ADGRB3: variants seen among roughly 807,000 people sequenced by gnomAD.
ADGRB3 encodes adhesion G protein-coupled receptor B3, also known as brain-specific angiogenesis inhibitor 3.
Under a neutral mutation model 193.4 loss-of-function variants are expected in ADGRB3, and 37 were observed. The ratio of observed to expected loss-of-function variants is 0.19; its 90% CI spans 0.15 to 0.25. ADGRB3 has a LOEUF of 0.25. Among genes scored for constraint, ADGRB3 ranks in the 10% least tolerant of loss-of-function variants. The pLI, the probability that ADGRB3 is intolerant of heterozygous loss-of-function variation, is 1.00. For missense variants in ADGRB3, 1,637 were observed against 1,852.9 expected (o/e 0.88, Z 2.14); for synonymous variants, 690 against 644.2 (o/e 1.07, Z -1.08).
At chr6:69,110,276 G>T (rs1320641070) in intron 17 of ADGRB3, among the ~76,000 whole-genome samples, 2 of 152,066 alleles carry the variant, frequency 1.3e-5, no homozygotes, top group East Asian at 3.9e-4. Context: ...TTTTGAGGTT[G>T]TAGTTTTAAC....
chr6:69,211,856 T>C (rs900950209), intron 17 of ADGRB3, among the ~76,000 whole-genome samples: 1 of 152,228 alleles, frequency 6.6e-6, no homozygotes, highest in African/African-American at 2.4e-5. Flanking sequence ...GGATTACAAC[T>C]GTGTGCATTA....
chr6:68,671,276 G>A (rs1418615362), intron 3 of ADGRB3, among the ~76,000 whole-genome samples: 2 of 151,870 alleles, frequency 1.3e-5, no homozygotes, highest in African/African-American at 4.8e-5. Context: ...CTCTAGGTAG[G>A]ACTTCTAATA....
At chr6:68,869,823 G>C (rs770167399) in intron 3 of ADGRB3, among the ~76,000 whole-genome samples, 1 of 152,196 alleles carries the variant, frequency 6.6e-6, no homozygotes, top group Non-Finnish European at 1.5e-5. Context: ...CGGTCACCCA[G>C]GCTGGAGTGC....
chr6:69,330,228 C>T (rs1012329032), intron 22 of ADGRB3, among the ~76,000 whole-genome samples: 6 of 152,012 alleles, frequency 3.9e-5, no homozygotes, highest in African/African-American at 1.4e-4. Flanking sequence ...ATATAGAAAC[C>T]TCATTGCAAT....
At chr6:69,204,426 G>A (rs958923130) in intron 17 of ADGRB3, among the ~76,000 whole-genome samples, 2 of 152,054 alleles carry the variant, frequency 1.3e-5, no homozygotes, top group Non-Finnish European at 2.9e-5. Flanking sequence ...GTCTTCAGTT[G>A]TTTCTTGCTT....
intron 3 of ADGRB3, among the ~76,000 whole-genome samples, chr6:68,837,392 T>C (rs1768065879): frequency 6.6e-6 from 1 of 152,228 alleles, no homozygotes; most frequent in South Asian, 2.1e-4. Flanking sequence ...ATTTTTATGC[T>C]ATAAATTTAT....
chr6:69,101,852 C>A (rs1372334355), intron 17 of ADGRB3, among the ~76,000 whole-genome samples: 1 of 152,052 alleles, frequency 6.6e-6, no homozygotes, highest in Non-Finnish European at 1.5e-5. Context: ...GATTTGAACT[C>A]AAACAGTCTA....
chr6:68,873,237 A>G (rs963356422), intron 3 of ADGRB3, among the ~76,000 whole-genome samples: 2 of 152,144 alleles, frequency 1.3e-5, no homozygotes, highest in Admixed American at 6.6e-5. Flanking sequence ...GTAATATGAT[A>G]AACATGCTAG....
intron 20 of ADGRB3, among the ~76,000 whole-genome samples, chr6:69,254,911 T>A (rs1160523249): frequency 5.1e-5 from 7 of 136,226 alleles, no homozygotes; most frequent in African/African-American, 1.1e-4. Flanking sequence ...CCTGTGTCCA[T>A]GTGTTCTCAT....
intron 3 of ADGRB3, among the ~76,000 whole-genome samples, chr6:68,667,754 G>C (rs889629743): frequency 8.6e-5 from 13 of 151,770 alleles, no homozygotes; most frequent in African/African-American, 3.1e-4. Flanking sequence ...GTGAAACAGA[G>C]CTGTAAAATT....
intron 3 of ADGRB3, among the ~76,000 whole-genome samples, chr6:68,826,538 G>A (rs1258004883): frequency 1.3e-5 from 2 of 152,198 alleles, no homozygotes; most frequent in African/African-American, 4.8e-5. Flanking sequence ...GGAACTGGAA[G>A]CCTTTGGAAT....
At chr6:69,341,741 ATAAT>A (rs1039131767) in intron 26 of ADGRB3, among the ~76,000 whole-genome samples, 25 of 152,166 alleles carry the variant, frequency 1.6e-4, no homozygotes, top group African/African-American at 6.0e-4. Flanking sequence ...ATTATTGCTA[ATAAT>A]TAAGTAACAA....
At chr6:68,888,582 A>G (rs1271194969) in intron 3 of ADGRB3, among the ~76,000 whole-genome samples, 1 of 146,666 alleles carries the variant, frequency 6.8e-6, no homozygotes, top group Non-Finnish European at 1.5e-5. Flanking sequence ...CACATAAAAA[A>G]AACTCCTGCC....
intron 13 of ADGRB3, among the ~76,000 whole-genome samples, chr6:69,031,071 C>T: frequency 2.1e-5 from 1 of 48,710 alleles, no homozygotes; most frequent in Non-Finnish European, 5.7e-5. Flanking sequence ...CTTCTCTTCT[C>T]TTCTCTTCTC....
chr6:68,712,013 C>T (rs752728840), intron 3 of ADGRB3, among the ~76,000 whole-genome samples: 31 of 151,786 alleles, frequency 2.0e-4, no homozygotes, highest in Non-Finnish European at 3.8e-4. Flanking sequence ...TCTGTTCTTG[C>T]CTTGAAATAT....
intron 17 of ADGRB3, among the ~76,000 whole-genome samples, chr6:69,088,610 G>A (rs1417294987): frequency 6.6e-6 from 1 of 152,236 alleles, no homozygotes; most frequent in Non-Finnish European, 1.5e-5. Flanking sequence ...CTGACCTCAG[G>A]TGATCTGCCT....
intron 8 of ADGRB3, among the ~76,000 whole-genome samples, chr6:68,966,988 T>C (rs1768398799): frequency 1.3e-5 from 2 of 152,322 alleles, no homozygotes; most frequent in East Asian, 1.9e-4. Flanking sequence ...TTTTCTGAGA[T>C]AGACTCTTCA....
At chr6:69,130,928 G>A (rs1406173397) in intron 17 of ADGRB3, among the ~76,000 whole-genome samples, 6 of 151,912 alleles carry the variant, frequency 3.9e-5, no homozygotes, top group East Asian at 1.9e-4. Flanking sequence ...TTTGATGTTC[G>A]CTATTCAAAT....
At chr6:68,831,451 G>T (rs1200815014) in intron 3 of ADGRB3, among the ~76,000 whole-genome samples, 1 of 151,102 alleles carries the variant, frequency 6.6e-6, no homozygotes, top group East Asian at 1.9e-4. Flanking sequence ...AGACTGAGTT[G>T]TATTTATCAG....
Sources: allele counts gnomAD v4.1 joint callset (sites outside exome capture counted in the v4.1 genomes callset), GRCh38; gene constraint gnomAD v4.1.1; transcripts MANE v1.5; gene names NCBI Gene and HGNC (gene_info 2026-07-23, HGNC 2026-07-21).